The following ARHGEF9 variants were observed in gnomAD, a reference collection of about 807,000 sequenced individuals.
ARHGEF9 encodes rho guanine nucleotide exchange factor 9.
Under a neutral mutation model 41.3 loss-of-function variants are expected in ARHGEF9, and 2 were observed. That is an observed-to-expected ratio of 0.05 (90% confidence interval 0.02 to 0.15). The LOEUF (loss-of-function observed/expected upper bound fraction) is 0.15, where lower values mean the gene tolerates loss of function less well. Among genes scored for constraint, ARHGEF9 ranks in the 10% least tolerant of loss-of-function variants. The pLI, the probability that ARHGEF9 is intolerant of heterozygous loss-of-function variation, is 1.00. For synonymous variants in ARHGEF9, 160 were observed against 154.4 expected, an observed-to-expected ratio of 1.04 and a Z score of -0.27; for missense variants, 225 against 424.7, an observed-to-expected ratio of 0.53 and a Z score of 4.13.
chrX:63,773,339 T>C (rs1163454230), intron 1 of ARHGEF9, among the ~76,000 whole-genome samples: 2 of 111,905 alleles, frequency 1.8e-5, no homozygotes, highest in East Asian at 2.8e-4. Context: ...TGAATAAAAT[T>C]CCTATTGGAT....
chrX:63,646,132 C>T (rs782268423), intron 8 of ARHGEF9, among the ~76,000 whole-genome samples: 385 of 111,435 alleles, frequency 3.5e-3, no homozygotes, highest in Non-Finnish European at 5.6e-3. Context: ...GATATTAGGC[C>T]TTTGTCAGAT....
chrX:63,781,260 C>T (rs2056375332), intron 1 of ARHGEF9, among the ~76,000 whole-genome samples: 1 of 111,701 alleles, frequency 9.0e-6, no homozygotes. Context: ...ATATATAAGA[C>T]TATTAAAAAT....
chrX:63,753,019 G>A (rs1161663195), intron 1 of ARHGEF9, among the ~76,000 whole-genome samples: 1 of 112,451 alleles, frequency 8.9e-6, no homozygotes, highest in Non-Finnish European at 1.9e-5. Context: ...ACATTAACAG[G>A]GGAGAAAGAA....
intron 2 of ARHGEF9, among the ~76,000 whole-genome samples, chrX:63,717,753 C>T (rs2053400819): frequency 8.9e-6 from 1 of 112,093 alleles, no homozygotes; most frequent in Non-Finnish European, 1.9e-5. Flanking sequence ...ATTGTCAGTG[C>T]TCTTCCTGTA....
intron 4 of ARHGEF9, among the ~76,000 whole-genome samples, chrX:63,692,450 T>C (rs1556382487): frequency 8.9e-6 from 1 of 112,539 alleles, no homozygotes; most frequent in African/African-American, 3.2e-5. Flanking sequence ...CCAATAGGCA[T>C]ATGAAAAATG....
At chrX:63,703,786 G>C (rs1164432096) in intron 3 of ARHGEF9, among the ~76,000 whole-genome samples, 2 of 111,675 alleles carry the variant, frequency 1.8e-5, no homozygotes, top group African/African-American at 6.5e-5. Flanking sequence ...GCAGTGCAAG[G>C]TTACAGGTTT....
chrX:63,729,424 G>T (rs1444742153), intron 1 of ARHGEF9, among the ~76,000 whole-genome samples: 2 of 111,785 alleles, frequency 1.8e-5, no homozygotes, highest in African/African-American at 6.5e-5. Context: ...ATACAAAGGA[G>T]CATGATCTCT....
At chrX:63,749,632 A>C (rs1183704814) in intron 1 of ARHGEF9, among the ~76,000 whole-genome samples, 1 of 112,139 alleles carries the variant, frequency 8.9e-6, no homozygotes, top group Non-Finnish European at 1.9e-5. Flanking sequence ...AATCTTGCTG[A>C]CCTTTACTTT....
intron 1 of ARHGEF9, among the ~76,000 whole-genome samples, chrX:63,742,572 C>T (rs181099322): frequency 8.9e-6 from 1 of 111,958 alleles, no homozygotes; most frequent in Non-Finnish European, 1.9e-5. Flanking sequence ...ACAATCTCCA[C>T]CAAAGCCCAG....
chrX:63,741,792 G>A (rs1478299286), intron 1 of ARHGEF9, among the ~76,000 whole-genome samples: 1 of 112,586 alleles, frequency 8.9e-6, no homozygotes, highest in East Asian at 2.8e-4. Flanking sequence ...CTGAGAATGT[G>A]CAAGTGTGAA....
At chrX:63,643,005 T>C (rs1231898945) in intron 9 of ARHGEF9, 14 of 111,617 alleles carry the variant, frequency 1.3e-4, no homozygotes, top group Non-Finnish European at 2.1e-4. Flanking sequence ...ATCTGAGAAA[T>C]AGAGTTAATA....
At chrX:63,773,633 T>G (rs1428837189) in intron 1 of ARHGEF9, among the ~76,000 whole-genome samples, 2 of 112,182 alleles carry the variant, frequency 1.8e-5, no homozygotes, top group Non-Finnish European at 3.8e-5. Context: ...CCCAGATATT[T>G]GATCAAACAT....
chrX:63,774,599 T>A (rs1477615182), intron 1 of ARHGEF9, among the ~76,000 whole-genome samples: 6 of 111,600 alleles, frequency 5.4e-5, no homozygotes, highest in African/African-American at 2.0e-4. Context: ...AATGCCTTGA[T>A]TCTTTATCTT....
intron 7 of ARHGEF9, chrX:63,656,899 T>C (rs1367695557): frequency 1.8e-5 from 2 of 112,290 alleles, no homozygotes; most frequent in African/African-American, 6.5e-5. Context: ...TATTTTTATA[T>C]CTTTTTGAAT....
At chrX:63,783,822 T>C (rs1556463751) in intron 1 of ARHGEF9, among the ~76,000 whole-genome samples, 4 of 111,583 alleles carry the variant, frequency 3.6e-5, no homozygotes. Flanking sequence ...TGCTCTAATC[T>C]TTTCTGGTTC....
At chrX:63,775,788 A>G (rs2056283953) in intron 1 of ARHGEF9, among the ~76,000 whole-genome samples, 1 of 111,722 alleles carries the variant, frequency 9.0e-6, no homozygotes, top group Non-Finnish European at 1.9e-5. Flanking sequence ...CAATTTGCCC[A>G]TATAACAAAC....
intron 8 of ARHGEF9, among the ~76,000 whole-genome samples, chrX:63,651,003 G>T (rs2048511226): frequency 9.0e-6 from 1 of 110,752 alleles, no homozygotes; most frequent in African/African-American, 3.3e-5. Context: ...CAAAAGTAAT[G>T]TACAAAGAGG....
chrX:63,723,239 A>C (rs1482157646), intron 2 of ARHGEF9, among the ~76,000 whole-genome samples: 1 of 111,794 alleles, frequency 8.9e-6, no homozygotes, highest in Non-Finnish European at 1.9e-5. Context: ...CCTTATAAAA[A>C]GTCTGTTATC....
intron 6 of ARHGEF9, among the ~76,000 whole-genome samples, chrX:63,673,115 T>C (rs1472187271): frequency 1.8e-5 from 2 of 112,033 alleles, no homozygotes; most frequent in East Asian, 2.8e-4. Context: ...GGAAAGTGAC[T>C]TTTTTCTGGG....
Sources: allele counts gnomAD v4.1 joint callset (sites outside exome capture counted in the v4.1 genomes callset), GRCh38; gene constraint gnomAD v4.1.1; transcripts MANE v1.5; gene names NCBI Gene and HGNC (gene_info 2026-07-23, HGNC 2026-07-21).